DICER1: variants seen among roughly 807,000 people sequenced by gnomAD.
DICER1 encodes the protein dicer 1, ribonuclease III.
In DICER1, 43 loss-of-function variants were observed where a neutral mutation model predicts 194.1. That is an observed-to-expected ratio of 0.22 (90% confidence interval 0.17 to 0.29). The LOEUF is 0.29. DICER1 is among the 10% of genes least tolerant of loss of function. The pLI is 1.00. For missense variants in DICER1, 1,608 were observed against 2,317.0 expected, an observed-to-expected ratio of 0.69 and a Z score of 6.28; for synonymous variants, 832 against 820.5, an observed-to-expected ratio of 1.01 and a Z score of -0.24.
rs758583097 is a variant in DICER1, at chr14:95,107,576, A to G, written c.2804+32T>C. ...AGTGCATCTTTTAAAACAAAGTATC[A>G]CCACCATTTTCCTTTCCATTTAAAT... On this transcript the variant is annotated intron_variant, in intron 17 of 26. Transcript: ENST00000343455. 10 of 1,611,662 alleles carry G rather than the reference A, an allele frequency of 6.2e-6. No homozygotes were observed. The Admixed American group carries it at 1.7e-4, about 27-fold the overall frequency.
At chr14:95,094,236 CGAA>C (rs1383660543) in intron 23 of DICER1, 80 bp from the exon 24 acceptor site, 74 of 1,510,472 alleles carry the variant, frequency 4.9e-5, no homozygotes, top group Admixed American at 1.2e-4. Flanking sequence ...TCCCCAAATC[CGAA>C]GAAGATTTGT....
At position 95,117,186 on chromosome 14, in the gene DICER1, T is replaced by C. The variant is rs557928097; in HGVS notation, c.1509+436A>G. Among the ~76,000 whole-genome samples, 5 of 152,116 alleles carry C rather than the reference T, an allele frequency of 3.3e-5. No homozygotes were observed. In the South Asian group the frequency reaches 6.2e-4, roughly 19 times the overall value. ...ACAAAAATATTTAAGCTAAAATCTATAAAATATAGTGCTGTTTTTTTTTTT... is the reference window on the plus strand; with the variant it reads ...ACAAAAATATTTAAGCTAAAATCTACAAAATATAGTGCTGTTTTTTTTTTT... On this transcript the variant is annotated intron_variant, in intron 9 of 26. Coordinates refer to ENST00000343455, the MANE Select transcript of DICER1 (RefSeq NM_177438.3).
At position 95,111,324 on chromosome 14, in the gene DICER1, G is replaced by A; in HGVS notation, c.2249C>T (p.Pro750Leu). The stretch of plus-strand genomic sequence containing the variant: ...GTTCTAACCAATACTAACTGCTTTT[G>A]GGTAGCACTGCCTTCGTTTCGTGGA... The part of the protein sequence containing the change: ...PGSTKRRQCY[P>L]KAIPECLRDS... The change falls in exon 14 of 27, where the codon CCA becomes CTA. Residue 750 changes from proline (P) to leucine (L), a missense_variant. This residue lies in a region of DICER1 where 657 missense variants were observed against 910.1 expected (regional missense o/e 0.72). Coordinates refer to ENST00000343455, the MANE Select transcript of DICER1 (RefSeq NM_177438.3). 6.2e-7 allele frequency: 1 copy of A among 1,614,110 alleles called. No individual in the cohort carries two copies.
intron 11 of DICER1, among the ~76,000 whole-genome samples, chr14:95,114,413 A>G (rs546241665): frequency 9.8e-5 from 15 of 152,376 alleles, no homozygotes; most frequent in Admixed American, 6.5e-4. Flanking sequence ...ACAGGAGTCC[A>G]TAAGTTCACA....
chr14:95,142,227 T>C (rs1236173564), intron 1 of DICER1, among the ~76,000 whole-genome samples: 1 of 152,040 alleles, frequency 6.6e-6, no homozygotes, highest in Non-Finnish European at 1.5e-5. Context: ...CAAAGTGCTG[T>C]AGTCCCAAAA....
intron 2 of DICER1, 129 bp downstream of exon 2, chr14:95,133,186 A>C: frequency 1.1e-6 from 1 of 909,994 alleles, no homozygotes; most frequent in Non-Finnish European, 1.8e-6. Flanking sequence ...AAAGTATTTT[A>C]AATGAGAAAA....
chr14:95,153,954 A>G (rs769026608), intron 1 of DICER1, among the ~76,000 whole-genome samples: 4 of 152,246 alleles, frequency 2.6e-5, no homozygotes, highest in Non-Finnish European at 5.9e-5. Context: ...AAACCTGTGA[A>G]TAAGAGCGAG....
Position 95,087,157 on chromosome 14 carries a change from G to A in DICER1, c.*3341C>T, listed in dbSNP as rs113050387. The A allele has an allele frequency of 4.8e-3, 1,121 of 232,812 alleles. 11 individuals carry two copies. The highest frequency in any genetic ancestry group is 0.023 in the African/African-American group (1,046 of 45,396). The allele number at this position is 232,812 out of a possible 1,614,324, so 14.4% of individuals were successfully genotyped here. ...GGAGCGACTGAAGAAGCCGACTGCCGGGGGAACACCTGGATTCATGAACCA... is the reference window on the plus strand; with the variant it reads ...GGAGCGACTGAAGAAGCCGACTGCCAGGGGAACACCTGGATTCATGAACCA... On this transcript the variant is annotated 3_prime_UTR_variant, in exon 27 of 27. Transcript: ENST00000343455.
intron 3 of DICER1, among the ~76,000 whole-genome samples, chr14:95,131,989 T>TA (rs1275961996): frequency 6.6e-6 from 1 of 152,120 alleles, no homozygotes; most frequent in African/African-American, 2.4e-5. Flanking sequence ...TGAGACAACC[T>TA]AAAAAAAGAG....
intron 7 of DICER1, among the ~76,000 whole-genome samples, chr14:95,125,113 C>T (rs1175901371): frequency 1.3e-5 from 2 of 152,200 alleles, no homozygotes; most frequent in African/African-American, 2.4e-5. Context: ...TGACTAGAAA[C>T]TGTGGATGAA....
In DICER1 at chr14:95,115,558, C is replaced by T. The variant is rs568085138; in HGVS notation, c.1907+109G>A. 1.6e-4 allele frequency: 188 copies of T among 1,210,364 alleles called. 2 individuals are homozygous for T. In the South Asian group the frequency reaches 2.2e-3, roughly 14 times the overall value. 75.0% of individuals were successfully genotyped at this position (1,210,364 alleles called of 1,614,324 possible). ...TTTCTTTATCGAAAATATGGCAAGT[C>T]TAAGTAAAGACTGGTAACCGCAAAA... is the stretch of plus-strand genomic sequence containing the variant. On this transcript the variant is annotated intron_variant, in intron 11 of 26. Coordinates refer to ENST00000343455, the MANE Select transcript of DICER1 (RefSeq NM_177438.3).
At position 95,108,101 on chromosome 14, in the gene DICER1, A is replaced by C; in HGVS notation, c.2437-8T>G. 1 of 1,602,562 alleles carries C rather than the reference A, an allele frequency of 6.2e-7. No individual in the cohort carries two copies. Among genetic ancestry groups the C allele is most frequent in the Non-Finnish European group, 8.5e-7 (1 of 1,169,702 alleles). On this transcript the variant is annotated splice_region_variant and splice_polypyrimidine_tract_variant and intron_variant, in intron 15 of 26. Transcript: ENST00000343455. ...CACAGGAAAGTGTGGAATCTTAGCA[A>C]AAGGAAATGTAAAGCACCCCTCAAA...
intron 14 of DICER1, 64 bp from the exon 15 acceptor site, chr14:95,108,567 G>A (rs1891671844): frequency 4.3e-5 from 62 of 1,435,082 alleles, no homozygotes; most frequent in Non-Finnish European, 6.0e-5. Context: ...CCAGATGTCA[G>A]CAAGAAAACA....
chr14:95,117,842 A>G (rs894037511), intron 8 of DICER1, 88 bp from the exon 9 acceptor site: 43 of 1,358,454 alleles, frequency 3.2e-5, no homozygotes, highest in Non-Finnish European at 4.3e-5. Flanking sequence ...ATGGAAGTAC[A>G]TGCATTTTTT....
At chr14:95,106,330 A>C in intron 17 of DICER1, 107 bp from the exon 18 acceptor site, 1 of 863,980 alleles carries the variant, frequency 1.2e-6, no homozygotes, top group Non-Finnish European at 1.9e-6. Context: ...AATTCAAAAG[A>C]TTAAAAATAA....
intron 23 of DICER1, among the ~76,000 whole-genome samples, chr14:95,094,723 C>G (rs1890155305): frequency 6.6e-6 from 1 of 152,148 alleles, no homozygotes; most frequent in South Asian, 2.1e-4. Flanking sequence ...GAATTTACCA[C>G]AAACCAAGAG....
intron 6 of DICER1, among the ~76,000 whole-genome samples, chr14:95,128,806 T>C (rs1224740218): frequency 3.3e-5 from 5 of 152,238 alleles, no homozygotes; most frequent in African/African-American, 1.2e-4. Flanking sequence ...CACTAGGTAA[T>C]CTTTAGCCTT....
intron 24 of DICER1, 70 bp from the exon 25 acceptor site, chr14:95,091,435 C>G: frequency 7.0e-7 from 1 of 1,436,080 alleles, no homozygotes; most frequent in Non-Finnish European, 9.8e-7. Context: ...GATGTAGTTT[C>G]TTTTCTTGGA....
At chr14:95,110,055 C>A (rs57638788) in intron 14 of DICER1, among the ~76,000 whole-genome samples, 4,213 of 152,250 alleles carry the variant, frequency 0.028, 194 homozygotes, top group African/African-American at 0.095. Flanking sequence ...CTAAGGGAAA[C>A]AACCAATTGG....
Sources: gnomAD v4.1 joint callset for allele counts (sites outside exome capture counted in the v4.1 genomes callset) on GRCh38, gnomAD v4.1.1 for gene constraint, gnomAD v4.1.1 regional missense constraint, MANE v1.5 for transcripts, NCBI Gene and HGNC (gene_info 2026-07-23, HGNC 2026-07-21) for gene names.